Variants in KCNQ3 observed in about 807,000 individuals in gnomAD.
KCNQ3 encodes potassium voltage-gated channel subfamily Q member 3.
Under a neutral mutation model 92.5 loss-of-function variants are expected in KCNQ3, and 30 were observed. The ratio of observed to expected loss-of-function variants is 0.32; its 90% CI spans 0.24 to 0.44. The LOEUF (loss-of-function observed/expected upper bound fraction) is 0.44. KCNQ3 is among the 20% of genes least tolerant of loss of function. The pLI is 1.00. For synonymous variants in KCNQ3, 450 were observed against 468.8 expected (o/e 0.96, Z 0.52); for missense variants, 913 against 1,140.3 (o/e 0.80, Z 2.87).
rs376933089 is a variant in KCNQ3 at position 132,303,677 on chromosome 8, T to TATAC, written c.387-117497_387-117496insGTAT. Reference sequence around the variant, plus strand: ...TTTATGGTGTGTGTGTATATATATATACACACACACAGCCACACCACACAC... The same window carrying TATAC: ...TTTATGGTGTGTGTGTATATATATATATACACACACACACAGCCACACCACACAC... On this transcript the variant is annotated intron_variant, in intron 1 of 14. Transcript: ENST00000388996. Among the ~76,000 whole-genome samples the TATAC allele has an allele frequency of 1.8e-3, 155 of 85,992 alleles. 1 individual carries two copies. The highest frequency in any genetic ancestry group is 3.3e-3 in the African/African-American group (74 of 22,184). 56.4% of individuals were successfully genotyped at this position (85,992 alleles called of 152,430 possible).
chr8:132,181,613 G>C (rs1364988714), intron 3 of KCNQ3, among the ~76,000 whole-genome samples: 2 of 152,162 alleles, frequency 1.3e-5, no homozygotes, highest in African/African-American at 4.8e-5. Flanking sequence ...AAAAGTCCAA[G>C]CTCTGCAAAG....
chr8:132,479,938 C>T (rs1762042890), intron 1 of KCNQ3, among the ~76,000 whole-genome samples: 1 of 136,922 alleles, frequency 7.3e-6, no homozygotes, highest in Non-Finnish European at 1.6e-5. Flanking sequence ...GTGGAACACC[C>T]GGAGAGCGGC....
At chr8:132,461,549 G>A (rs1392929507) in intron 1 of KCNQ3, among the ~76,000 whole-genome samples, 9 of 152,102 alleles carry the variant, frequency 5.9e-5, no homozygotes, top group Non-Finnish European at 1.3e-4. Flanking sequence ...TGGGCGACAA[G>A]AGCAGGACTC....
chr8:132,134,744 CTT>C (rs1260387626), intron 12 of KCNQ3, among the ~76,000 whole-genome samples: 1 of 149,708 alleles, frequency 6.7e-6, no homozygotes, highest in African/African-American at 2.5e-5. Flanking sequence ...ACGGCTGCAT[CTT>C]GTTATTTTTT....
Position 132,129,984 on chromosome 8 carries a change from C to G in KCNQ3, c.1897G>C (p.Gly633Arg). 6.2e-7 allele frequency: 1 copy of G among 1,613,548 alleles called. No homozygotes were observed. The highest frequency in any genetic ancestry group is 8.5e-7 in the Non-Finnish European group (1 of 1,180,030). ...VKVERQVQDM[G>R]KKLDFLVDMH... is the part of the protein sequence containing the mutation. Reference sequence around the variant, plus strand: ...TCCACGAGGAAGTCCAGCTTCTTCCCCATGTCCTGAACCTGGAAAATCAAA... The same window carrying G: ...TCCACGAGGAAGTCCAGCTTCTTCCGCATGTCCTGAACCTGGAAAATCAAA... Residue 633 changes from glycine (G) to arginine (R), a missense_variant, in exon 15 of 15, where the codon GGG (glycine) becomes CGG (arginine). By Grantham distance (125) the Gly-to-Arg change is moderately radical. This residue lies in a region of KCNQ3 where 375 missense variants were observed against 376.4 expected (regional missense o/e 1.00). Coordinates refer to ENST00000388996, the MANE Select transcript of KCNQ3 (RefSeq NM_004519.4). This position sits in a 1 kb window ranked among gnomAD's most constrained non-coding sequence, Gnocchi z 5.9.
At chr8:132,270,701 G>A (rs1305264966) in intron 1 of KCNQ3, among the ~76,000 whole-genome samples, 1 of 152,324 alleles carries the variant, frequency 6.6e-6, no homozygotes. Flanking sequence ...TCTACAATAT[G>A]TATTTTTACA....
chr8:132,207,808 T>C (rs1441990507), intron 1 of KCNQ3, among the ~76,000 whole-genome samples: 5 of 151,996 alleles, frequency 3.3e-5, no homozygotes, highest in Admixed American at 1.3e-4. Context: ...CCTGTGATGT[T>C]TCCCACCAGC....
chr8:132,260,178 T>C (rs988227468), intron 1 of KCNQ3, among the ~76,000 whole-genome samples: 2 of 152,210 alleles, frequency 1.3e-5, no homozygotes, highest in African/African-American at 2.4e-5. Context: ...ATTCTCAGTT[T>C]TCTGCCCAAA....
At chr8:132,453,825 C>G (rs781582542) in intron 1 of KCNQ3, among the ~76,000 whole-genome samples, 4 of 152,172 alleles carry the variant, frequency 2.6e-5, no homozygotes, top group African/African-American at 4.8e-5. Context: ...AACTAGAAGA[C>G]GAAAGCTTCT....
chr8:132,480,121 G>A (rs752763154), intron 1 of KCNQ3, 26 bp downstream of exon 1: 63 of 1,602,960 alleles, frequency 3.9e-5, no homozygotes, highest in Non-Finnish European at 5.2e-5. Flanking sequence ...CGCCGCCGAG[G>A]GCGCCCCGAG....
intron 12 of KCNQ3, 132 bp from the exon 13 acceptor site, chr8:132,134,520 G>A (rs528964542): frequency 1.5e-6 from 1 of 687,846 alleles, no homozygotes; most frequent in East Asian, 2.8e-5. Context: ...GAGAGGAGAA[G>A]TGAGGAGAGG....
chr8:132,206,742 C>G (rs1437478538), intron 1 of KCNQ3, among the ~76,000 whole-genome samples: 2 of 151,956 alleles, frequency 1.3e-5, no homozygotes, highest in Non-Finnish European at 2.9e-5. Flanking sequence ...CTCTCTTTTT[C>G]CTAGTCTGGT....
chr8:132,434,968 A>G (rs1821353361), intron 1 of KCNQ3, among the ~76,000 whole-genome samples: 1 of 152,216 alleles, frequency 6.6e-6, no homozygotes, highest in African/African-American at 2.4e-5. Flanking sequence ...TTCTGGCCCC[A>G]AAGTTCAGCT....
chr8:132,314,341 C>A (rs563018714), intron 1 of KCNQ3, among the ~76,000 whole-genome samples: 1 of 152,158 alleles, frequency 6.6e-6, no homozygotes, highest in East Asian at 1.9e-4. Flanking sequence ...GGAAGACAGA[C>A]AAAGGAAAAC....
At chr8:132,136,201 A>G (rs17652402) in intron 12 of KCNQ3, among the ~76,000 whole-genome samples, 3,742 of 151,384 alleles carry the variant, frequency 0.025, 84 homozygotes, top group South Asian at 0.064. Context: ...TAGCATCATT[A>G]ACTTCCAACC....
At chr8:132,295,019 A>G (rs1816973532) in intron 1 of KCNQ3, among the ~76,000 whole-genome samples, 1 of 152,022 alleles carries the variant, frequency 6.6e-6, no homozygotes, top group Non-Finnish European at 1.5e-5. Flanking sequence ...CAAAAGTGCA[A>G]CAAAGGCAAA....
intron 5 of KCNQ3, among the ~76,000 whole-genome samples, chr8:132,174,685 T>G (rs1443025303): frequency 6.6e-6 from 1 of 152,226 alleles, no homozygotes; most frequent in East Asian, 1.9e-4. Context: ...GTGAGTATAT[T>G]TGTATGTATT....
rs1397192548 is a variant in KCNQ3 at position 132,126,724 on chromosome 8, C to T, written c.*2538G>A. ...TGATCCAGCAGGGAAGCTAGACTGC[C>T]TGCCTATGGTTTAGGAAATAATACA... On this transcript the variant is annotated 3_prime_UTR_variant, in exon 15 of 15. Transcript: ENST00000388996. 1 of 152,038 alleles carries T rather than the reference C, an allele frequency of 6.6e-6. No individual in the cohort carries two copies. The highest frequency in any genetic ancestry group is 2.4e-5 in the African/African-American group (1 of 41,366). 9.4% of individuals were successfully genotyped at this position (152,038 alleles called of 1,614,324 possible). A position where few individuals can be genotyped will look rare whatever the true frequency, so the allele number is the denominator to read the frequency against.
In KCNQ3 at chr8:132,396,611, G is replaced by A. The variant is rs543952783; in HGVS notation, c.386+83536C>T. On this transcript the variant is annotated intron_variant, in intron 1 of 14. Coordinates refer to ENST00000388996, the MANE Select transcript of KCNQ3 (RefSeq NM_004519.4). ...TACCAGAATTGAGGACAGTTGTAGCGGGTAAGATTATAAGACAGTCCCCAA... is the reference window on the plus strand; with the variant it reads ...TACCAGAATTGAGGACAGTTGTAGCAGGTAAGATTATAAGACAGTCCCCAA... Among the ~76,000 whole-genome samples the A allele has an allele frequency of 5.9e-5, 9 of 152,204 alleles. No individual in the cohort carries two copies. The South Asian group carries it at 1.2e-3, about 21-fold the overall frequency.
Sources: gnomAD v4.1 joint callset for allele counts (sites outside exome capture counted in the v4.1 genomes callset) on GRCh38, gnomAD v4.1.1 for gene constraint, gnomAD v4.1.1 regional missense constraint, Gnocchi (gnomAD v3.1) non-coding constraint, MANE v1.5 for transcripts, NCBI Gene and HGNC (gene_info 2026-07-23, HGNC 2026-07-21) for gene names.